The following TAFA5 variants were observed in gnomAD, a reference collection of about 807,000 sequenced individuals.
The protein encoded by TAFA5 is chemokine-like protein TAFA-5.
TAFA5 carries 6 observed loss-of-function variants against 15.3 expected under a neutral mutation model. The ratio of observed to expected loss-of-function variants is 0.39; its 90% CI spans 0.21 to 0.77. The LOEUF (loss-of-function observed/expected upper bound fraction) is 0.77, where lower values mean the gene tolerates loss of function less well. Ranked by LOEUF, TAFA5 falls within the 30% of genes least tolerant of loss-of-function variation. The pLI is 0.41. For missense variants in TAFA5, 161 were observed against 193.1 expected (o/e 0.83, Z 0.98); for synonymous variants, 103 against 80.7 (o/e 1.28, Z -1.48).
chr22:48,706,038 C>T (rs1043501043), intron 2 of TAFA5, among the ~76,000 whole-genome samples: 3 of 152,168 alleles, frequency 2.0e-5, no homozygotes, highest in Admixed American at 1.3e-4. Flanking sequence ...GGGCTGCAGA[C>T]GGGAGGTGGG....
chr22:48,579,348 C>T (rs1923945464), intron 1 of TAFA5, among the ~76,000 whole-genome samples: 1 of 152,360 alleles, frequency 6.6e-6, no homozygotes, highest in African/African-American at 2.4e-5. Flanking sequence ...GGCAGCTGCT[C>T]TTCTTGCCTT....
chr22:48,492,765 GC>G (rs1928201322), intron 1 of TAFA5, among the ~76,000 whole-genome samples: 1 of 152,208 alleles, frequency 6.6e-6, no homozygotes, highest in Non-Finnish European at 1.5e-5. Flanking sequence ...GGCCGGTGCT[GC>G]CCATGAGGGT....
intron 1 of TAFA5, among the ~76,000 whole-genome samples, chr22:48,517,796 C>T (rs1921464694): frequency 6.6e-6 from 1 of 152,156 alleles, no homozygotes; most frequent in Admixed American, 6.5e-5. Context: ...CCGTCTCCTC[C>T]CTCTCCCCTG....
chr22:48,713,891 G>C (rs1201698558), intron 3 of TAFA5, among the ~76,000 whole-genome samples: 3 of 152,240 alleles, frequency 2.0e-5, no homozygotes, highest in Non-Finnish European at 4.4e-5. Context: ...GGCTTAGCAT[G>C]TGTCAACGTG....
Position 48,722,675 on chromosome 22 carries a change from G to GT in TAFA5, c.390+14831_390+14832insT, listed in dbSNP as rs541818701. Among the ~76,000 whole-genome samples, 466 of 123,916 alleles carry GT rather than the reference G, an allele frequency of 3.8e-3. 2 individuals are homozygous for GT. Among genetic ancestry groups the GT allele is most frequent in the Middle Eastern group, 0.023 (6 of 262 alleles). The allele number at this position is 123,916 out of a possible 152,430, so 81.3% of individuals were successfully genotyped here. Reference sequence around the variant, plus strand: ...CCTATGTACCAAAACTGCACGTTCTGCCATGTACCCCAGAACTTAAAGTAT... The same window carrying GT: ...CCTATGTACCAAAACTGCACGTTCTGTCCATGTACCCCAGAACTTAAAGTAT... On this transcript the variant is annotated intron_variant, in intron 3 of 3. Transcript: ENST00000402357.
At chr22:48,596,543 A>G (rs774834120) in intron 1 of TAFA5, among the ~76,000 whole-genome samples, 1 of 152,130 alleles carries the variant, frequency 6.6e-6, no homozygotes. Context: ...GGCAGTTTCC[A>G]TCTAGCCTCT....
intron 3 of TAFA5, among the ~76,000 whole-genome samples, chr22:48,735,858 C>CCAGAG (rs1929996955): frequency 2.0e-5 from 3 of 149,258 alleles, no homozygotes; most frequent in African/African-American, 5.0e-5. Context: ...AATCGCACTC[C>CCAGAG]TAGAGTCCAT....
intron 1 of TAFA5, among the ~76,000 whole-genome samples, chr22:48,597,974 C>T (rs1924832026): frequency 6.6e-6 from 1 of 152,160 alleles, no homozygotes. Context: ...GGGGAGTGTA[C>T]CTGTCAGGGT....
At chr22:48,728,995 A>G (rs965572317) in intron 3 of TAFA5, among the ~76,000 whole-genome samples, 2 of 152,168 alleles carry the variant, frequency 1.3e-5, no homozygotes, top group African/African-American at 4.8e-5. Context: ...TCACAAGTGT[A>G]TGCATAGCTA....
intron 1 of TAFA5, among the ~76,000 whole-genome samples, chr22:48,602,582 T>A (rs1250713582): frequency 6.6e-6 from 1 of 152,204 alleles, no homozygotes; most frequent in Non-Finnish European, 1.5e-5. Flanking sequence ...TGCTGTGGAC[T>A]CCCCGTTTTC....
chr22:48,699,993 T>G (rs130123), intron 2 of TAFA5, among the ~76,000 whole-genome samples: 93,938 of 151,838 alleles, frequency 0.62, 29,859 homozygotes, highest in African/African-American at 0.77. Flanking sequence ...TGGATGGGCC[T>G]TTGCTGGATG....
rs80090301 is a variant in TAFA5 at position 48,556,266 on chromosome 22, C to T, written c.112+66562C>T. Among the ~76,000 whole-genome samples, 1,243 of 152,270 alleles carry T rather than the reference C, an allele frequency of 8.2e-3. 16 individuals are homozygous for T. The highest frequency in any genetic ancestry group is 0.029 in the African/African-American group (1,199 of 41,544). On this transcript the variant is annotated intron_variant, in intron 1 of 3. Transcript: ENST00000402357. ...TCACTGGCCCTGCATCCCCAGAGCCCCCTGTGGTCAGCCCCTCCTGCAGAG... is the reference window on the plus strand; with the variant it reads ...TCACTGGCCCTGCATCCCCAGAGCCTCCTGTGGTCAGCCCCTCCTGCAGAG...
At chr22:48,529,117 C>T (rs1012092606) in intron 1 of TAFA5, among the ~76,000 whole-genome samples, 17 of 151,886 alleles carry the variant, frequency 1.1e-4, no homozygotes, top group African/African-American at 4.1e-4. Flanking sequence ...TCTGGCGCTG[C>T]ATGCCTAGGA....
At chr22:48,570,872 G>T (rs970665483) in intron 1 of TAFA5, among the ~76,000 whole-genome samples, 1 of 152,240 alleles carries the variant, frequency 6.6e-6, no homozygotes, top group Non-Finnish European at 1.5e-5. Flanking sequence ...ATATACCATT[G>T]TAAAGATTTT....
intron 1 of TAFA5, among the ~76,000 whole-genome samples, chr22:48,527,928 G>A (rs903021909): frequency 3.3e-5 from 5 of 152,214 alleles, no homozygotes; most frequent in South Asian, 2.1e-4. Flanking sequence ...CTTCCCAGGC[G>A]CGCTCTTCTT....
chr22:48,726,041 G>C (rs1483394734), intron 3 of TAFA5, among the ~76,000 whole-genome samples: 1 of 152,284 alleles, frequency 6.6e-6, no homozygotes, highest in African/African-American at 2.4e-5. Flanking sequence ...TAAGAAAATA[G>C]AAAGACAAGA....
intron 1 of TAFA5, among the ~76,000 whole-genome samples, chr22:48,589,527 G>T (rs988969699): frequency 6.6e-6 from 1 of 152,122 alleles, no homozygotes; most frequent in African/African-American, 2.4e-5. Flanking sequence ...GAAACCCAGG[G>T]TCGGTTGGAG....
chr22:48,690,127 C>T (rs1177030650), intron 2 of TAFA5, among the ~76,000 whole-genome samples: 1 of 152,110 alleles, frequency 6.6e-6, no homozygotes, highest in Non-Finnish European at 1.5e-5. Flanking sequence ...CCCCCCACCC[C>T]TCCTGCATGG....
chr22:48,734,158 A>C (rs1929944116), intron 3 of TAFA5, among the ~76,000 whole-genome samples: 1 of 152,210 alleles, frequency 6.6e-6, no homozygotes, highest in Non-Finnish European at 1.5e-5. Flanking sequence ...ACTATTGATC[A>C]CAGCAGAAAA....
Sources: gnomAD v4.1 joint callset for allele counts (sites outside exome capture counted in the v4.1 genomes callset) on GRCh38, gnomAD v4.1.1 for gene constraint, MANE v1.5 for transcripts, NCBI Gene and HGNC (gene_info 2026-07-23, HGNC 2026-07-21) for gene names.